ADCK1: variants seen among roughly 807,000 people sequenced by gnomAD.
The protein encoded by ADCK1 is aarF domain containing kinase 1.
Under a neutral mutation model 52.3 loss-of-function variants are expected in ADCK1, and 41 were observed. The observed-to-expected ratio is 0.78, with a 90% CI of 0.61 to 1.02. ADCK1 has a LOEUF of 1.02. Ranked by LOEUF, ADCK1 falls within the 50% of genes least tolerant of loss-of-function variation. The pLI is 0.00. For missense variants in ADCK1, 658 were observed against 679.5 expected (o/e 0.97, Z 0.35); for synonymous variants, 250 against 274.6 (o/e 0.91, Z 0.89).
Position 77,887,256 on chromosome 14 carries a change from G to C in ADCK1, c.582+7G>C. 6.4e-7 allele frequency: 1 copy of C among 1,556,322 alleles called. No individual in the cohort carries two copies. The highest frequency in any genetic ancestry group is 1.2e-5 in the South Asian group (1 of 81,788). On this transcript the variant is annotated splice_region_variant and intron_variant, in intron 5 of 10. Transcript: ENST00000238561. ...GGACATTCTCCTGATGGAGGTGAGAGCCCTCCCTTTCTCCTTCCTGTGTCC... is the reference window on the plus strand; with the variant it reads ...GGACATTCTCCTGATGGAGGTGAGACCCCTCCCTTTCTCCTTCCTGTGTCC...
chr14:77,814,887 A>T (rs1016069674), intron 1 of ADCK1, among the ~76,000 whole-genome samples: 8 of 147,856 alleles, frequency 5.4e-5, no homozygotes, highest in African/African-American at 1.8e-4. Flanking sequence ...TAAAAAAATT[A>T]AAAAAAAATT....
Position 77,933,347 on chromosome 14 carries a change from C to T in ADCK1, c.1528C>T (p.Arg510Trp), listed in dbSNP as rs147999712. The change falls in exon 11 of 11, where the codon CGG becomes TGG. Residue 510 changes from arginine (R) to tryptophan (W), a missense_variant. Transcript: ENST00000238561. Reference sequence around the variant, plus strand: ...TGTGAAGGGGTTGAAGCTGGCTGACCGGGTCTTGGCCCTAATATGCTGGCT... The same window carrying T: ...TGTGAAGGGGTTGAAGCTGGCTGACTGGGTCTTGGCCCTAATATGCTGGCT... ...LRVKGLKLAD[R>W]VLALICWLFP... 316 of 1,613,986 alleles carry T rather than the reference C, an allele frequency of 2.0e-4. No homozygotes were observed. Among genetic ancestry groups the T allele is most frequent in the Non-Finnish European group, 2.5e-4 (296 of 1,180,024 alleles).
chr14:77,870,487 G>A (rs2082752834), intron 4 of ADCK1, among the ~76,000 whole-genome samples: 2 of 152,220 alleles, frequency 1.3e-5, no homozygotes, highest in Admixed American at 6.5e-5. Flanking sequence ...GACATTTTAG[G>A]CAAAGTGAGC....
chr14:77,897,553 C>T (rs181096860), intron 5 of ADCK1, among the ~76,000 whole-genome samples: 68 of 152,314 alleles, frequency 4.5e-4, no homozygotes, highest in Admixed American at 3.7e-3. Context: ...CTAAAACCCC[C>T]TCTTAACATG....
intron 5 of ADCK1, among the ~76,000 whole-genome samples, chr14:77,895,538 T>C (rs889426809): frequency 6.6e-6 from 1 of 152,052 alleles, no homozygotes; most frequent in Non-Finnish European, 1.5e-5. Flanking sequence ...GGGAGAAAAA[T>C]CAAAAAGTCA....
intron 3 of ADCK1, among the ~76,000 whole-genome samples, chr14:77,848,176 A>G (rs2082210440): frequency 6.6e-6 from 1 of 152,168 alleles, no homozygotes; most frequent in Non-Finnish European, 1.5e-5. Flanking sequence ...AAGTGCTTGG[A>G]TTACAGGCAT....
At chr14:77,852,081 C>T (rs1186801463) in intron 3 of ADCK1, among the ~76,000 whole-genome samples, 1 of 152,100 alleles carries the variant, frequency 6.6e-6, no homozygotes, top group Non-Finnish European at 1.5e-5. Flanking sequence ...TCACTGCAAC[C>T]TCTGCCTCCC....
chr14:77,912,652 G>A (rs940301309), intron 7 of ADCK1, among the ~76,000 whole-genome samples: 7 of 152,104 alleles, frequency 4.6e-5, no homozygotes, highest in Admixed American at 1.3e-4. Context: ...TGACAGGGGC[G>A]AAAGTCTTAC....
intron 1 of ADCK1, among the ~76,000 whole-genome samples, chr14:77,810,030 T>C (rs137997720): frequency 0.028 from 2,896 of 104,124 alleles, 49 homozygotes; most frequent in Admixed American, 0.069. Context: ...AGAGTGAGAC[T>C]CTGTCTCAAA....
chr14:77,918,538 T>C (rs1050568207), intron 7 of ADCK1, among the ~76,000 whole-genome samples: 3 of 152,160 alleles, frequency 2.0e-5, no homozygotes, highest in African/African-American at 7.2e-5. Flanking sequence ...AGACACATAA[T>C]GTATTATAGA....
At chr14:77,870,252 G>C (rs2140163765) in intron 4 of ADCK1, among the ~76,000 whole-genome samples, 1 of 152,348 alleles carries the variant, frequency 6.6e-6, no homozygotes, top group East Asian at 1.9e-4. Context: ...TAGCCAGTAA[G>C]AAGCAGAACC....
At chr14:77,837,098 G>A (rs1299540518) in intron 3 of ADCK1, among the ~76,000 whole-genome samples, 1 of 151,104 alleles carries the variant, frequency 6.6e-6, no homozygotes. Context: ...AAGGACAACT[G>A]TCATTGGATT....
Position 77,832,193 on chromosome 14 carries a change from G to T in ADCK1, c.219+9675G>T, listed in dbSNP as rs542242353. Among the ~76,000 whole-genome samples the T allele has an allele frequency of 2.2e-4, 33 of 152,266 alleles. No individual in the cohort carries two copies. The South Asian group carries it at 6.6e-3, about 31-fold the overall frequency. On this transcript the variant is annotated intron_variant, in intron 3 of 10. Coordinates refer to ENST00000238561, the MANE Select transcript of ADCK1 (RefSeq NM_020421.4). ...GGATTTCACCGTATTGGCCAGGCTGGTCTCGAACTCCTGACCTCATATGAT... is the reference window on the plus strand; with the variant it reads ...GGATTTCACCGTATTGGCCAGGCTGTTCTCGAACTCCTGACCTCATATGAT...
chr14:77,819,197 C>A, intron 2 of ADCK1, 84 bp downstream of exon 2: 1 of 1,567,990 alleles, frequency 6.4e-7, no homozygotes, highest in Non-Finnish European at 8.7e-7. Flanking sequence ...GACATGCCTG[C>A]TATGCATATG....
chr14:77,801,232 C>T (rs1205396093), intron 1 of ADCK1, among the ~76,000 whole-genome samples: 5 of 152,284 alleles, frequency 3.3e-5, no homozygotes, highest in African/African-American at 9.6e-5. Flanking sequence ...CAAGAATTGG[C>T]GTTTCTAACA....
At chr14:77,889,226 C>T (rs79648815) in intron 5 of ADCK1, among the ~76,000 whole-genome samples, 4,873 of 152,118 alleles carry the variant, frequency 0.032, 152 homozygotes, top group South Asian at 0.12. Flanking sequence ...TTTTTAGCAG[C>T]GTGAGAACAG....
chr14:77,817,324 C>A (rs777075569), intron 1 of ADCK1, among the ~76,000 whole-genome samples: 1 of 152,204 alleles, frequency 6.6e-6, no homozygotes, highest in Non-Finnish European at 1.5e-5. Context: ...AGGGAGGTGA[C>A]AGGCACAGAC....
chr14:77,921,326 CAAAA>C (rs756056466), intron 7 of ADCK1, among the ~76,000 whole-genome samples: 3,076 of 41,062 alleles, frequency 0.075, 50 homozygotes, highest in African/African-American at 0.12. Flanking sequence ...GACTCTGTCT[CAAAA>C]AAAAAAAAAA....
chr14:77,906,083 G>A (rs2083659162), intron 6 of ADCK1, among the ~76,000 whole-genome samples: 2 of 152,040 alleles, frequency 1.3e-5, no homozygotes, highest in South Asian at 4.1e-4. Flanking sequence ...ACTGAGATAG[G>A]GCAGAAACAA....
Sources: gnomAD v4.1 joint callset for allele counts (sites outside exome capture counted in the v4.1 genomes callset) on GRCh38, gnomAD v4.1.1 for gene constraint, MANE v1.5 for transcripts, NCBI Gene and HGNC (gene_info 2026-07-23, HGNC 2026-07-21) for gene names.